CXADR: variants seen among roughly 807,000 people sequenced by gnomAD.
CXADR encodes CXADR cell adhesion molecule.
Under a neutral mutation model 40.3 loss-of-function variants are expected in CXADR, and 20 were observed. The observed-to-expected ratio is 0.50, with a 90% CI of 0.35 to 0.72. The LOEUF (loss-of-function observed/expected upper bound fraction) is 0.72. Among genes scored for constraint, CXADR ranks in the 30% least tolerant of loss-of-function variants. CXADR has a pLI of 0.01. For synonymous variants in CXADR, 150 were observed against 161.3 expected, an observed-to-expected ratio of 0.93 and a Z score of 0.53; for missense variants, 332 against 449.1, an observed-to-expected ratio of 0.74 and a Z score of 2.36.
chr21:17,609,386 A>G, the CXADR span, among the ~76,000 whole-genome samples: 3 of 152,338 alleles, frequency 2.0e-5, no homozygotes, highest in African/African-American at 7.2e-5. Context: ...GAAATTCCAT[A>G]AAGATAGCAC....
chr21:17,582,529 C>T (rs569031474), intron 7 of CXADR, among the ~76,000 whole-genome samples: 10 of 152,252 alleles, frequency 6.6e-5, no homozygotes, highest in Admixed American at 3.9e-4. Flanking sequence ...TCAGGGTCAC[C>T]TGTCTTTTCA....
the CXADR span, among the ~76,000 whole-genome samples, chr21:17,623,858 CA>C: frequency 1.3e-5 from 2 of 152,142 alleles, no homozygotes; most frequent in African/African-American, 2.4e-5. Context: ...ACCTAATTTT[CA>C]ATTCTTTTTG....
intron 1 of CXADR, among the ~76,000 whole-genome samples, chr21:17,525,263 A>C (rs2060585277): frequency 6.6e-6 from 1 of 152,242 alleles, no homozygotes; most frequent in Non-Finnish European, 1.5e-5. Flanking sequence ...GAATGGTTTT[A>C]ATTTCATTTA....
downstream of CXADR, among the ~76,000 whole-genome samples, chr21:17,571,163 G>A (rs2061274592): frequency 6.6e-6 from 1 of 152,210 alleles, no homozygotes. Context: ...CGATTAAAAG[G>A]TGAAGAGCAC....
intron 1 of CXADR, among the ~76,000 whole-genome samples, chr21:17,524,290 G>A (rs2060568850): frequency 6.6e-6 from 1 of 151,934 alleles, no homozygotes; most frequent in South Asian, 2.1e-4. Flanking sequence ...GCCAGGCGTG[G>A]TGGCTCATGC....
the CXADR span, among the ~76,000 whole-genome samples, chr21:17,633,762 C>T: frequency 1.3e-5 from 2 of 152,180 alleles, no homozygotes; most frequent in South Asian, 4.1e-4. Context: ...GTTCTTTGAG[C>T]CAATTCATCT....
intron 1 of CXADR, among the ~76,000 whole-genome samples, chr21:17,518,178 A>AT (rs1408654076): frequency 6.6e-6 from 1 of 152,158 alleles, no homozygotes; most frequent in African/African-American, 2.4e-5. Flanking sequence ...AGGAGGATAA[A>AT]TAGAACTGTT....
intron 7 of CXADR, among the ~76,000 whole-genome samples, chr21:17,578,088 T>G (rs936437899): frequency 1.3e-5 from 2 of 152,080 alleles, no homozygotes; most frequent in African/African-American, 4.8e-5. Flanking sequence ...AACATAGGAG[T>G]GCAAATAGCC....
chr21:17,610,996 C>T, the CXADR span, among the ~76,000 whole-genome samples: 10 of 152,248 alleles, frequency 6.6e-5, no homozygotes, highest in East Asian at 3.9e-4. Context: ...CACAAATCTT[C>T]CTCCCAGAAC....
chr21:17,607,817 T>C, the CXADR span, among the ~76,000 whole-genome samples: 1 of 152,214 alleles, frequency 6.6e-6, no homozygotes, highest in African/African-American at 2.4e-5. Context: ...GGGACAATGT[T>C]TGGCAGCTGA....
At chr21:17,624,940 C>CT in the CXADR span, among the ~76,000 whole-genome samples, 16 of 152,094 alleles carry the variant, frequency 1.1e-4, no homozygotes, top group African/African-American at 2.7e-4. Context: ...CCCCATTACA[C>CT]TTTTTTTTAC....
chr21:17,551,640 T>G, intron 2 of CXADR, 109 bp from the exon 3 acceptor site: 1 of 868,074 alleles, frequency 1.2e-6, no homozygotes, highest in East Asian at 2.7e-5. Flanking sequence ...CTTTTTCTTT[T>G]CTGGGAGGGG....
chr21:17,604,148 A>C, the CXADR span: 1 of 1,282,688 alleles, frequency 7.8e-7, no homozygotes, highest in Non-Finnish European at 1.0e-6. Flanking sequence ...CACTTACATA[A>C]TCAAAAAGGA....
chr21:17,559,364 G>A (rs934432071), intron 4 of CXADR, among the ~76,000 whole-genome samples: 1 of 150,838 alleles, frequency 6.6e-6, no homozygotes, highest in Admixed American at 6.6e-5. Flanking sequence ...TTTAAAAAAT[G>A]TGTAGAGACA....
At chr21:17,580,854 A>G (rs1047868162) in intron 7 of CXADR, among the ~76,000 whole-genome samples, 2 of 152,114 alleles carry the variant, frequency 1.3e-5, no homozygotes, top group Admixed American at 6.5e-5. Flanking sequence ...GGGCTCAAGC[A>G]GTCCTCCCAC....
chr21:17,513,271 C>A (rs1052873986), intron 1 of CXADR, 99 bp downstream of exon 1: 35 of 1,185,178 alleles, frequency 3.0e-5, no homozygotes, highest in Non-Finnish European at 3.7e-5. Flanking sequence ...AGGGGGCGGG[C>A]GCGATTTGGG....
the CXADR span, among the ~76,000 whole-genome samples, chr21:17,602,609 A>G: frequency 6.6e-6 from 1 of 152,142 alleles, no homozygotes; most frequent in Non-Finnish European, 1.5e-5. Flanking sequence ...TGACACTCGC[A>G]GGTGATTTCT....
chr21:17,534,767 A>ATTTGTCTAAC lies in CXADR; in HGVS notation c.44-12257_44-12248dup, dbSNP rs529350496. ...AAATCTTTTAACATACTAGTTCCTG[A>ATTTGTCTAAC]TTTGTCTAACTTATTTTCTTCCTTT... On this transcript the variant is annotated intron_variant, in intron 1 of 6. Coordinates refer to ENST00000284878, the MANE Select transcript of CXADR (RefSeq NM_001338.5). Among the ~76,000 whole-genome samples the ATTTGTCTAAC allele has an allele frequency of 2.5e-3, 355 of 141,778 alleles. 3 individuals are homozygous for ATTTGTCTAAC. Among genetic ancestry groups the ATTTGTCTAAC allele is most frequent in the African/African-American group, 8.3e-3 (320 of 38,468 alleles). 93.0% of individuals were successfully genotyped at this position (141,778 alleles called of 152,430 possible).
downstream of CXADR, among the ~76,000 whole-genome samples, chr21:17,597,491 TAAAA>T (rs1182464665): frequency 6.6e-6 from 1 of 150,884 alleles, no homozygotes; most frequent in African/African-American, 2.4e-5. Context: ...GGAAGGATAC[TAAAA>T]AAAAGAAAAA....
Sources: gnomAD v4.1 joint callset for allele counts (sites outside exome capture counted in the v4.1 genomes callset) on GRCh38, gnomAD v4.1.1 for gene constraint, MANE v1.5 for transcripts, NCBI Gene and HGNC (gene_info 2026-07-23, HGNC 2026-07-21) for gene names.